The following TENM2 variants were observed in gnomAD, a reference collection of about 807,000 sequenced individuals.
TENM2 encodes the protein teneurin-2.
Under a neutral mutation model 245.2 loss-of-function variants are expected in TENM2, and 52 were observed. The observed-to-expected ratio is 0.21, with a 90% CI of 0.17 to 0.27. TENM2 has a LOEUF of 0.27. TENM2 is among the 10% of genes least tolerant of loss of function. The probability of loss-of-function intolerance (pLI) is 1.00; values close to 1 mark genes in which losing one functional copy is unlikely to be tolerated. For synonymous variants in TENM2, 1,363 were observed against 1,438.9 expected (o/e 0.95, Z 1.19); for missense variants, 3,046 against 3,666.8 (o/e 0.83, Z 4.37).
intron 2 of TENM2, among the ~76,000 whole-genome samples, chr5:167,396,436 G>A (rs989065696): frequency 2.0e-5 from 3 of 152,110 alleles, no homozygotes; most frequent in Admixed American, 6.6e-5. Flanking sequence ...AGAGTAGAAT[G>A]AAATTTGCCA....
At chr5:167,947,150 C>G (rs1779692203) in intron 3 of TENM2, among the ~76,000 whole-genome samples, 1 of 152,122 alleles carries the variant, frequency 6.6e-6, no homozygotes, top group South Asian at 2.1e-4. Context: ...TATCCCCCTC[C>G]AAGAACTGCC....
intron 2 of TENM2, among the ~76,000 whole-genome samples, chr5:167,422,023 C>T (rs1763537450): frequency 6.6e-6 from 1 of 152,162 alleles, no homozygotes; most frequent in Non-Finnish European, 1.5e-5. Context: ...AACTCCTGAC[C>T]TTGTGATCCA....
intron 2 of TENM2, among the ~76,000 whole-genome samples, chr5:167,533,132 C>A (rs1188560445): frequency 6.6e-6 from 1 of 151,844 alleles, no homozygotes; most frequent in African/African-American, 2.4e-5. Context: ...GTAAAAGATT[C>A]CAGGAGAAAT....
intron 2 of TENM2, among the ~76,000 whole-genome samples, chr5:167,520,627 G>A (rs904191613): frequency 6.6e-6 from 1 of 152,108 alleles, no homozygotes; most frequent in African/African-American, 2.4e-5. Flanking sequence ...AGGTTGAAGA[G>A]ACTTCTGCAG....
chr5:167,989,268 AAGAGAGAGAGAGAG>A lies in TENM2; in HGVS notation c.948-3656_948-3643del, dbSNP rs10617322. On this transcript the variant is annotated intron_variant, in intron 4 of 28. Transcript: ENST00000518659. ...TAGATAGATAGATAGAAGATAGAGA[AAGAGAGAGAGAGAG>A]AGAGAGAGAGAGAGAGAGATAGATA... Among the ~76,000 whole-genome samples the A allele has an allele frequency of 9.7e-5, 14 of 145,040 alleles. No individual in the cohort carries two copies. In the East Asian group the frequency reaches 1.6e-3, roughly 17 times the overall value.
Position 168,244,604 on chromosome 5 carries a change from C to T in TENM2, c.5705C>T (p.Ala1902Val). The change falls in exon 26 of 29, where the codon GCT becomes GTT. Residue 1902 changes from alanine (A) to valine (V), a missense_variant. Physicochemically the swap from Ala to Val is moderately conservative, Grantham distance 64. Around this residue, in one of 2 missense-constraint regions of TENM2, gnomAD observed 2,704 missense variants for 3,331.9 expected, o/e 0.81. Coordinates refer to ENST00000518659, the Ensembl canonical transcript of TENM2. This position sits in a 1 kb window ranked among gnomAD's most constrained non-coding sequence, Gnocchi z 4.9. ...TCATACTTCTTCAATGGGCGCCTGG[C>T]TGGGCTTCAGCGTGGGGCCATGAGC... The T allele has an allele frequency of 6.2e-7, 1 of 1,605,982 alleles. No homozygotes were observed. The highest frequency in any genetic ancestry group is 1.1e-5 in the South Asian group (1 of 90,082).
At chr5:167,980,137 G>A (rs1230123551) in intron 4 of TENM2, among the ~76,000 whole-genome samples, 2 of 152,138 alleles carry the variant, frequency 1.3e-5, no homozygotes, top group Non-Finnish European at 2.9e-5. Context: ...TGGCCCTCCT[G>A]GAATGTGCAT....
chr5:167,462,321 C>A (rs1166534260), intron 2 of TENM2, among the ~76,000 whole-genome samples: 2 of 152,012 alleles, frequency 1.3e-5, no homozygotes, highest in Non-Finnish European at 2.9e-5. Context: ...GGCTCTGGCC[C>A]CATGGTAGCA....
At chr5:167,699,212 C>T (rs1222504919) in intron 2 of TENM2, among the ~76,000 whole-genome samples, 1 of 151,906 alleles carries the variant, frequency 6.6e-6, no homozygotes, top group Non-Finnish European at 1.5e-5. Flanking sequence ...ATGTCCTGTC[C>T]TTAAAATTAA....
chr5:167,895,190 T>TCCTCCTCCTCTC (rs1775122390), intron 3 of TENM2, among the ~76,000 whole-genome samples: 1 of 152,092 alleles, frequency 6.6e-6, no homozygotes. Flanking sequence ...AGAGCATTTT[T>TCCTCCTCCTCTC]CCTCCTCCTC....
At chr5:167,213,179 C>T in the TENM2 span, among the ~76,000 whole-genome samples, 3 of 152,142 alleles carry the variant, frequency 2.0e-5, no homozygotes, top group Non-Finnish European at 4.4e-5. Context: ...TATTGCTATG[C>T]CTCTGTAATG....
chr5:167,791,430 T>A (rs1764954246), intron 2 of TENM2, among the ~76,000 whole-genome samples: 1 of 145,570 alleles, frequency 6.9e-6, no homozygotes, highest in Admixed American at 7.0e-5. Context: ...TATAATATAT[T>A]ATATATTTAT....
At chr5:167,709,188 A>G (rs1758740925) in intron 2 of TENM2, among the ~76,000 whole-genome samples, 1 of 152,132 alleles carries the variant, frequency 6.6e-6, no homozygotes, top group Non-Finnish European at 1.5e-5. Flanking sequence ...CCACTGCATC[A>G]GTTTCCTGCT....
At chr5:167,857,620 G>C (rs1771212923) in intron 2 of TENM2, among the ~76,000 whole-genome samples, 1 of 152,016 alleles carries the variant, frequency 6.6e-6, no homozygotes, top group Non-Finnish European at 1.5e-5. Flanking sequence ...TTGTTTCCTG[G>C]GACATGTTTT....
At chr5:168,090,883 C>T (rs568922771) in intron 8 of TENM2, 114 bp downstream of exon 10, 2 of 918,656 alleles carry the variant, frequency 2.2e-6, no homozygotes, top group African/African-American at 3.3e-5. Flanking sequence ...GACAACCAAC[C>T]AGGATCCTTT....
intron 6 of TENM2, among the ~76,000 whole-genome samples, chr5:168,055,771 A>G (rs1342858412): frequency 6.6e-6 from 1 of 152,216 alleles, no homozygotes; most frequent in East Asian, 1.9e-4. Context: ...CAATTTAGGT[A>G]CAACATGCAG....
At chr5:167,212,783 A>G in the TENM2 span, among the ~76,000 whole-genome samples, 4 of 152,196 alleles carry the variant, frequency 2.6e-5, no homozygotes, top group Admixed American at 2.6e-4. Context: ...ATTGGACCAC[A>G]TATGCCACCC....
Position 167,465,209 on chromosome 5 carries a change from G to T in TENM2, c.502+89736G>T, listed in dbSNP as rs1485339657. ...TAGCCAGAACTCTGATTTGGTGAAT[G>T]TTCACATATATGACTATTTAAGCAT... On this transcript the variant is annotated intron_variant, in intron 2 of 28. Coordinates refer to ENST00000518659, the Ensembl canonical transcript of TENM2. 4.6e-5 allele frequency among the ~76,000 whole-genome samples: 7 copies of T among 152,336 alleles called. No individual in the cohort carries two copies. In the East Asian group the frequency reaches 1.2e-3, roughly 25 times the overall value.
rs1467514949 is a variant in TENM2 at position 168,190,494 on chromosome 5, G to A, written c.2727G>A (p.Leu909=). ...CCTTCTATGACCGTATCAAGCTCTT[G>A]GCAGGCAAGGATAGCACCCACATCA... The change falls in exon 14 of 29, where the codon TTG becomes TTA. Residue 909 remains leucine, a synonymous_variant. Transcript: ENST00000518659. 8.1e-6 allele frequency: 13 copies of A among 1,613,988 alleles called. No homozygotes were observed. The Admixed American group carries it at 2.0e-4, about 25-fold the overall frequency.
Sources: allele counts gnomAD v4.1 joint callset (sites outside exome capture counted in the v4.1 genomes callset), GRCh38; gene constraint gnomAD v4.1.1; regional missense constraint gnomAD v4.1.1; non-coding constraint Gnocchi (gnomAD v3.1); transcripts MANE v1.5; gene names NCBI Gene and HGNC (gene_info 2026-07-23, HGNC 2026-07-21).